Variants in KIAA0586 observed in about 807,000 individuals in gnomAD.
KIAA0586 encodes the protein KIAA0586, also known as protein TALPID3.
Under a neutral mutation model 169.8 loss-of-function variants are expected in KIAA0586, and 144 were observed. The ratio of observed to expected loss-of-function variants is 0.85; its 90% CI spans 0.74 to 0.97. The LOEUF (loss-of-function observed/expected upper bound fraction) is 0.97, where lower values mean the gene tolerates loss of function less well. Ranked by LOEUF, KIAA0586 falls within the 50% of genes least tolerant of loss-of-function variation. The pLI is 0.00. For missense variants in KIAA0586, 1,854 were observed against 1,823.0 expected, an observed-to-expected ratio of 1.02 and a Z score of -0.31; for synonymous variants, 625 against 612.4, an observed-to-expected ratio of 1.02 and a Z score of -0.30.
At position 58,492,267 on chromosome 14, in the gene KIAA0586, C is replaced by A. The variant is rs2042883404; in HGVS notation, c.3982C>A (p.His1328Asn). 11 of 1,543,740 alleles carry A rather than the reference C, an allele frequency of 7.1e-6. No homozygotes were observed. The highest frequency in any genetic ancestry group is 9.6e-6 in the Non-Finnish European group (11 of 1,145,002). ...ESAVSQQAVY[H>N]SEDLENSVGE... ...AGCAGTTTCCCAGCAAGCAGTCTATCATTCAGAGGTACTTTTTAACTTTAA... is the reference window on the plus strand; with the variant it reads ...AGCAGTTTCCCAGCAAGCAGTCTATAATTCAGAGGTACTTTTTAACTTTAA... Residue 1328 changes from histidine to asparagine, a missense_variant, in exon 26 of 31, where the codon CAT (histidine) becomes AAT (asparagine). Coordinates refer to ENST00000652326, the MANE Select transcript of KIAA0586 (RefSeq NM_001329943.3).
chr14:58,484,828 C>A (rs2042258881), intron 21 of KIAA0586, among the ~76,000 whole-genome samples: 1 of 130,432 alleles, frequency 7.7e-6, no homozygotes, highest in African/African-American at 2.9e-5. Context: ...AAAGGGTAAT[C>A]ACCTTATATA....
Position 58,498,855 on chromosome 14 carries a change from T to G in KIAA0586, c.4063T>G (p.Leu1355Val). 6.2e-7 allele frequency: 1 copy of G among 1,612,716 alleles called. No homozygotes were observed. The highest frequency in any genetic ancestry group is 8.5e-7 in the Non-Finnish European group (1 of 1,179,284). ...PQLTAAAENILMGHSLYMQPP... is the reference protein window; with the variant it reads ...PQLTAAAENIVMGHSLYMQPP... ...GCTAACAGCGGCAGCAGAGAACATC[T>G]TAATGGGACATTCTCTCTATATGCA... is the stretch of plus-strand genomic sequence containing the variant. Residue 1355 changes from leucine (L) to valine (V), a missense_variant, in exon 27 of 31, where the codon TTA (leucine) becomes GTA (valine). By Grantham distance (32) the Leu-to-Val change is conservative. Transcript: ENST00000652326.
chr14:58,561,435 T>C, the KIAA0586 span, among the ~76,000 whole-genome samples: 1 of 152,218 alleles, frequency 6.6e-6, no homozygotes, highest in South Asian at 2.1e-4. Context: ...CACTAATTTG[T>C]AGCCTTGTGA....
intron 4 of KIAA0586, among the ~76,000 whole-genome samples, chr14:58,440,773 T>G (rs1214865060): frequency 1.3e-5 from 2 of 152,194 alleles, no homozygotes; most frequent in African/African-American, 4.8e-5. Flanking sequence ...TGTATTCTCA[T>G]TTACATGTGG....
At chr14:58,438,334 C>T (rs184317849) in intron 4 of KIAA0586, among the ~76,000 whole-genome samples, 2 of 152,070 alleles carry the variant, frequency 1.3e-5, no homozygotes, top group Non-Finnish European at 2.9e-5. Flanking sequence ...TAATGTTTCT[C>T]TTATTGGGCA....
chr14:58,452,618 G>A (rs1216059628), intron 8 of KIAA0586, among the ~76,000 whole-genome samples: 1 of 152,198 alleles, frequency 6.6e-6, no homozygotes, highest in African/African-American at 2.4e-5. Context: ...TCGTGATGAT[G>A]ACACTTATCA....
intron 25 of KIAA0586, among the ~76,000 whole-genome samples, chr14:58,491,518 A>G (rs2042831816): frequency 6.6e-6 from 1 of 152,196 alleles, no homozygotes; most frequent in Admixed American, 6.6e-5. Context: ...TATTTACAAG[A>G]TAATCTACTT....
chr14:58,494,679 G>A (rs572907242), intron 26 of KIAA0586, among the ~76,000 whole-genome samples: 4 of 152,206 alleles, frequency 2.6e-5, no homozygotes, highest in African/African-American at 9.6e-5. Context: ...TGATTATTGT[G>A]TCTTTAAGCC....
At chr14:58,464,042 G>T in intron 14 of KIAA0586, 1 of 444,274 alleles carries the variant, frequency 2.3e-6, no homozygotes. Context: ...CAGATAATTG[G>T]GAGAATTGAT....
At chr14:58,485,080 C>T (rs1399390276) in intron 21 of KIAA0586, among the ~76,000 whole-genome samples, 5 of 146,704 alleles carry the variant, frequency 3.4e-5, no homozygotes, top group Non-Finnish European at 4.5e-5. Flanking sequence ...CCCGCCACCA[C>T]ACCCAGCTAA....
At chr14:58,505,930 A>G (rs1401565229) in intron 27 of KIAA0586, among the ~76,000 whole-genome samples, 1 of 152,132 alleles carries the variant, frequency 6.6e-6, no homozygotes, top group Non-Finnish European at 1.5e-5. Flanking sequence ...TCTAACTTTT[A>G]TACTTTCCGT....
chr14:58,453,571 C>G, intron 9 of KIAA0586, 98 bp downstream of exon 9: 1 of 778,874 alleles, frequency 1.3e-6, no homozygotes, highest in Non-Finnish European at 1.9e-6. Context: ...AGCATTGCTT[C>G]TTAAATTTAT....
intron 28 of KIAA0586, among the ~76,000 whole-genome samples, chr14:58,509,843 C>T (rs2044259633): frequency 1.3e-5 from 2 of 151,914 alleles, no homozygotes; most frequent in African/African-American, 4.8e-5. Context: ...TTGGTCTTAT[C>T]AAAAATAAGA....
intron 1 of KIAA0586, 71 bp downstream of exon 1, chr14:58,428,534 C>A: frequency 3.5e-6 from 4 of 1,159,094 alleles, no homozygotes; most frequent in Non-Finnish European, 2.5e-6. Context: ...TGTTTAAATT[C>A]CCAAACGTAA....
intron 26 of KIAA0586, among the ~76,000 whole-genome samples, chr14:58,497,080 T>G (rs2043204990): frequency 6.6e-6 from 1 of 151,916 alleles, no homozygotes. Context: ...GTTCAAGTGA[T>G]TCTTCTGCTT....
chr14:58,522,019 C>A, intron 29 of KIAA0586: 1 of 1,230,442 alleles, frequency 8.1e-7, no homozygotes, highest in South Asian at 1.2e-5. Flanking sequence ...GAAATCTTAT[C>A]CCATCATTTC....
chr14:58,448,441 T>G lies in KIAA0586; in HGVS notation c.909T>G (p.Pro303=). Residue 303 remains proline (P), a synonymous_variant, in exon 7 of 31, where the codon CCT becomes CCG. Coordinates refer to ENST00000652326, the MANE Select transcript of KIAA0586 (RefSeq NM_001329943.3). The part of the protein sequence containing the change: ...VEKYSVKPEH[P]NLGSCNPSLY... ...AGTATTCCGTAAAACCAGAACACCC[T>G]AATCTTGGTAGCTGTAATCCATCTT... 2 of 1,612,578 alleles carry G rather than the reference T, an allele frequency of 1.2e-6. No homozygotes were observed. Among genetic ancestry groups the G allele is most frequent in the Non-Finnish European group, 1.7e-6 (2 of 1,178,778 alleles).
At chr14:58,475,374 C>T (rs959371291) in intron 19 of KIAA0586, among the ~76,000 whole-genome samples, 1 of 151,364 alleles carries the variant, frequency 6.6e-6, no homozygotes. Context: ...CCGAATCTAT[C>T]CCCCCACCCC....
chr14:58,487,100 G>C lies in KIAA0586; in HGVS notation c.3238G>C (p.Asp1080His), dbSNP rs2042507801. ...AKECVLVKTP[D>H]SSPCDSDHDM... ...GGAGTGTGTTTTGGTAAAGACTCCA[G>C]ATTCTTCTCCCTGTGATTCGGATCA... is the stretch of plus-strand genomic sequence containing the variant. The change falls in exon 22 of 31, where the codon GAT becomes CAT. Residue 1080 changes from aspartate to histidine, a missense_variant. Transcript: ENST00000652326. 6.2e-7 allele frequency: 1 copy of C among 1,613,598 alleles called. No individual in the cohort carries two copies. Among genetic ancestry groups the C allele is most frequent in the Non-Finnish European group, 8.5e-7 (1 of 1,179,668 alleles).
Sources: allele counts gnomAD v4.1 joint callset (sites outside exome capture counted in the v4.1 genomes callset), GRCh38; gene constraint gnomAD v4.1.1; transcripts MANE v1.5; gene names NCBI Gene and HGNC (gene_info 2026-07-23, HGNC 2026-07-21).